ATRNL1: variants seen among roughly 807,000 people sequenced by gnomAD.
The protein encoded by ATRNL1 is attractin-like protein 1.
ATRNL1 carries 95 observed loss-of-function variants against 182.7 expected under a neutral mutation model. That is an observed-to-expected ratio of 0.52 (90% CI 0.44 to 0.62). The LOEUF (loss-of-function observed/expected upper bound fraction) is 0.62. Ranked by LOEUF, ATRNL1 falls within the 20% of genes least tolerant of loss-of-function variation. The probability of loss-of-function intolerance (pLI) is 0.00; values close to 1 mark genes in which losing one functional copy is unlikely to be tolerated. For missense variants in ATRNL1, 1,471 were observed against 1,679.5 expected, an observed-to-expected ratio of 0.88 and a Z score of 2.17; for synonymous variants, 576 against 568.3, an observed-to-expected ratio of 1.01 and a Z score of -0.19.
chr10:115,810,814 A>AT (rs1201916235), intron 27 of ATRNL1, among the ~76,000 whole-genome samples: 1 of 151,704 alleles, frequency 6.6e-6, no homozygotes, highest in East Asian at 1.9e-4. Context: ...TTCCCTTATT[A>AT]TTTTTTAAAA....
intron 27 of ATRNL1, among the ~76,000 whole-genome samples, chr10:115,787,791 G>A (rs181287736): frequency 1.4e-3 from 213 of 152,218 alleles, no homozygotes; most frequent in African/African-American, 4.8e-3. Flanking sequence ...ATGTGATTAG[G>A]TTAAAGACCT....
chr10:115,536,266 A>C (rs1374527556), intron 25 of ATRNL1, among the ~76,000 whole-genome samples: 1 of 152,180 alleles, frequency 6.6e-6, no homozygotes, highest in Non-Finnish European at 1.5e-5. Flanking sequence ...GGCTCCACCC[A>C]GTTCAAGCTT....
intron 26 of ATRNL1, among the ~76,000 whole-genome samples, chr10:115,664,524 C>T (rs1860888067): frequency 6.6e-6 from 1 of 152,034 alleles, no homozygotes; most frequent in Non-Finnish European, 1.5e-5. Flanking sequence ...TATGTCCTAT[C>T]ACGGTGTATA....
intron 26 of ATRNL1, chr10:115,597,656 T>TCCA (rs1856336264): frequency 4.6e-6 from 2 of 431,046 alleles, no homozygotes; most frequent in African/African-American, 2.3e-5. Context: ...CACTGCAACC[T>TCCA]CCGCATCCTG....
At chr10:115,386,166 C>T (rs1039595968) in intron 19 of ATRNL1, among the ~76,000 whole-genome samples, 13 of 151,722 alleles carry the variant, frequency 8.6e-5, no homozygotes, top group East Asian at 3.9e-4. Flanking sequence ...TTTACCAATA[C>T]GTAATTTTCT....
At chr10:115,162,653 G>T (rs1219785171) in intron 6 of ATRNL1, among the ~76,000 whole-genome samples, 2 of 149,886 alleles carry the variant, frequency 1.3e-5, no homozygotes, top group Admixed American at 6.8e-5. Flanking sequence ...TTAGAAACGG[G>T]ATTTGAGTTA....
intron 26 of ATRNL1, among the ~76,000 whole-genome samples, chr10:115,614,165 T>C (rs1406190275): frequency 2.0e-5 from 3 of 152,146 alleles, no homozygotes; most frequent in African/African-American, 7.2e-5. Flanking sequence ...TTTCTATGGC[T>C]ATAAACGTCC....
intron 26 of ATRNL1, among the ~76,000 whole-genome samples, chr10:115,631,975 T>G (rs1233262144): frequency 6.6e-6 from 1 of 152,160 alleles, no homozygotes; most frequent in East Asian, 1.9e-4. Context: ...CAATATATAG[T>G]TGTACTCATC....
chr10:115,124,356 A>G (rs903301051), intron 3 of ATRNL1, among the ~76,000 whole-genome samples: 2 of 152,174 alleles, frequency 1.3e-5, no homozygotes, highest in African/African-American at 4.8e-5. Flanking sequence ...GAAGGATAGA[A>G]ATCAGAGCCA....
chr10:115,174,481 G>C (rs1847418441), intron 8 of ATRNL1, among the ~76,000 whole-genome samples: 1 of 151,538 alleles, frequency 6.6e-6, no homozygotes, highest in East Asian at 1.9e-4. Flanking sequence ...AGTTATTTTT[G>C]TTTTGTTTCA....
chr10:115,268,473 A>G (rs1368123644), intron 13 of ATRNL1, 29 bp downstream of exon 13: 4 of 1,407,880 alleles, frequency 2.8e-6, no homozygotes, highest in Non-Finnish European at 4.0e-6. Flanking sequence ...ATGGTGCTGT[A>G]GTTACAACAG....
chr10:115,793,908 T>C (rs1029708757), intron 27 of ATRNL1, among the ~76,000 whole-genome samples: 3 of 152,184 alleles, frequency 2.0e-5, no homozygotes, highest in African/African-American at 4.8e-5. Context: ...CAATGAACTA[T>C]GTGCATCCAC....
chr10:115,895,322 G>A (rs1392382116), intron 28 of ATRNL1, among the ~76,000 whole-genome samples: 3 of 152,216 alleles, frequency 2.0e-5, no homozygotes, highest in African/African-American at 4.8e-5. Flanking sequence ...TAACCTGGAG[G>A]TATTTGTTGT....
intron 26 of ATRNL1, among the ~76,000 whole-genome samples, chr10:115,568,322 A>G (rs1168302651): frequency 1.3e-5 from 2 of 152,118 alleles, no homozygotes; most frequent in Non-Finnish European, 2.9e-5. Flanking sequence ...AAAATTTAAT[A>G]TTTAAAGTTA....
At chr10:115,778,132 A>G (rs2134182416) in intron 27 of ATRNL1, among the ~76,000 whole-genome samples, 1 of 152,332 alleles carries the variant, frequency 6.6e-6, no homozygotes, top group South Asian at 2.1e-4. Context: ...GCTGAATATT[A>G]CAACCTCTCT....
chr10:115,643,214 T>C (rs1175540223), intron 26 of ATRNL1, among the ~76,000 whole-genome samples: 2 of 152,142 alleles, frequency 1.3e-5, no homozygotes, highest in Non-Finnish European at 2.9e-5. Flanking sequence ...GCAAAGGTGT[T>C]TCAATGGAGA....
intron 28 of ATRNL1, among the ~76,000 whole-genome samples, chr10:115,914,704 A>T (rs1952790881): frequency 6.6e-6 from 1 of 152,196 alleles, no homozygotes; most frequent in Non-Finnish European, 1.5e-5. Flanking sequence ...TGACTGGTGG[A>T]GACCTTTCCA....
intron 15 of ATRNL1, among the ~76,000 whole-genome samples, chr10:115,290,597 A>C (rs1011376284): frequency 1.3e-5 from 2 of 152,156 alleles, no homozygotes; most frequent in African/African-American, 4.8e-5. Flanking sequence ...CGGAGGTTGC[A>C]GTGAGCTGAG....
chr10:115,264,424 A>G (rs1554909822), intron 10 of ATRNL1, among the ~76,000 whole-genome samples: 1 of 151,636 alleles, frequency 6.6e-6, no homozygotes, highest in Non-Finnish European at 1.5e-5. Flanking sequence ...GCTTTCATGA[A>G]ATACCAAAGC....
Sources: allele counts gnomAD v4.1 joint callset (sites outside exome capture counted in the v4.1 genomes callset), GRCh38; gene constraint gnomAD v4.1.1; transcripts MANE v1.5; gene names NCBI Gene and HGNC (gene_info 2026-07-23, HGNC 2026-07-21).